MCTP2: variants seen among roughly 807,000 people sequenced by gnomAD.
MCTP2 encodes multiple C2 and transmembrane domain containing 2, also known as multiple C2 and transmembrane domain-containing protein 2.
In MCTP2, 132 loss-of-function variants were observed where a neutral mutation model predicts 111.6. That is an observed-to-expected ratio of 1.18 (90% CI 1.03 to 1.37). The LOEUF is 1.37. Ranked by LOEUF, MCTP2 falls within the 40% of genes most tolerant of loss-of-function variation. The pLI is 0.00. For synonymous variants in MCTP2, 395 were observed against 387.7 expected (o/e 1.02, Z -0.22); for missense variants, 1,183 against 1,067.9 (o/e 1.11, Z -1.50).
chr15:94,404,158 A>G lies in MCTP2; in HGVS notation c.2085+2139A>G, dbSNP rs112863265. ...ATAATTCCCCTCCCTAAGTTGATGA[A>G]GTGTAATTTTATTAAAAGTTGTTTT... On this transcript the variant is annotated intron_variant, in intron 17 of 22. Transcript: ENST00000357742. Among the ~76,000 whole-genome samples, 1,418 of 152,242 alleles carry G rather than the reference A, an allele frequency of 9.3e-3. 27 individuals are homozygous for G. Among genetic ancestry groups the G allele is most frequent in the African/African-American group, 0.032 (1,337 of 41,524 alleles).
At chr15:94,451,803 T>C (rs551466649) in intron 19 of MCTP2, among the ~76,000 whole-genome samples, 67 of 152,360 alleles carry the variant, frequency 4.4e-4, no homozygotes, top group African/African-American at 1.4e-3. Flanking sequence ...ATGAGTAGAC[T>C]TGTCCTGGAA....
intron 1 of MCTP2, among the ~76,000 whole-genome samples, chr15:94,284,822 A>G: frequency 6.8e-6 from 1 of 146,174 alleles, no homozygotes; most frequent in Admixed American, 7.0e-5. Flanking sequence ...GGGCTGAGGT[A>G]TATGAAAAAT....
At chr15:94,365,184 T>C (rs1250692415) in intron 10 of MCTP2, among the ~76,000 whole-genome samples, 1 of 152,226 alleles carries the variant, frequency 6.6e-6, no homozygotes, top group East Asian at 1.9e-4. Context: ...AATATATCAG[T>C]TTAACTTGTT....
At chr15:94,417,993 G>C (rs1240846087) in intron 17 of MCTP2, among the ~76,000 whole-genome samples, 1 of 152,020 alleles carries the variant, frequency 6.6e-6, no homozygotes, top group Non-Finnish European at 1.5e-5. Context: ...TTAATACAGC[G>C]AACTGCTTTA....
rs779063585 is a variant in MCTP2, at chr15:94,476,737, A to G, written c.2512A>G (p.Ile838Val). The G allele has an allele frequency of 1.9e-6, 3 of 1,609,900 alleles. No individual in the cohort carries two copies. The highest frequency in any genetic ancestry group is 2.2e-5 in the South Asian group (2 of 90,960). ...FTKKLRNPYS[I>V]DNNELLDFLS... The stretch of plus-strand genomic sequence containing the variant: ...TAAGAAGCTTCGAAATCCCTATTCC[A>G]TCGACAATAATGAGCTACTAGACTT... Residue 838 changes from isoleucine to valine, a missense_variant, in exon 22 of 23, where the codon ATC becomes GTC. Physicochemically the swap from Ile to Val is conservative, Grantham distance 29. Coordinates refer to ENST00000357742, the MANE Select transcript of MCTP2 (RefSeq NM_001385001.1).
intron 19 of MCTP2, among the ~76,000 whole-genome samples, chr15:94,453,530 T>C (rs1376498054): frequency 6.6e-6 from 1 of 152,206 alleles, no homozygotes; most frequent in African/African-American, 2.4e-5. Context: ...TGAGAAATGA[T>C]AGGGTAGGTG....
chr15:94,336,527 A>G (rs1483822822), intron 4 of MCTP2, among the ~76,000 whole-genome samples: 2 of 152,124 alleles, frequency 1.3e-5, no homozygotes, highest in African/African-American at 4.8e-5. Flanking sequence ...GCACATTAGC[A>G]TGCCTGACAG....
chr15:94,336,701 A>T (rs1235924140), intron 4 of MCTP2, among the ~76,000 whole-genome samples: 1 of 150,152 alleles, frequency 6.7e-6, no homozygotes, highest in South Asian at 2.1e-4. Context: ...ATATGTATGT[A>T]TGTGCATATA....
In MCTP2 at chr15:94,399,108, TAGA is replaced by T. The variant is rs757318065; in HGVS notation, c.1890+49_1890+51del. 13 of 999,390 alleles carry T rather than the reference TAGA, an allele frequency of 1.3e-5. No homozygotes were observed. The African/African-American group carries it at 1.9e-4, about 15-fold the overall frequency. The allele number at this position is 999,390 out of a possible 1,614,324, so 61.9% of individuals were successfully genotyped here. On this transcript the variant is annotated intron_variant, in intron 15 of 22. Transcript: ENST00000357742. ...CTTCCCGGCTTTCCCGTACCTAAAA[TAGA>T]AGGTGACCAGCCTTTGGAGGCTCAA...
intron 19 of MCTP2, among the ~76,000 whole-genome samples, chr15:94,444,755 A>G (rs2084020853): frequency 6.6e-6 from 1 of 152,214 alleles, no homozygotes; most frequent in Admixed American, 6.5e-5. Context: ...ATTTCTTATT[A>G]TATCATAACA....
intron 1 of MCTP2, among the ~76,000 whole-genome samples, chr15:94,241,392 C>T (rs185809843): frequency 4.1e-4 from 62 of 152,188 alleles, no homozygotes; most frequent in Admixed American, 2.1e-3. Flanking sequence ...TTTTCTAATG[C>T]AAATTTTGCT....
chr15:94,322,629 T>A (rs1596353540), intron 4 of MCTP2, among the ~76,000 whole-genome samples: 2 of 152,246 alleles, frequency 1.3e-5, no homozygotes, highest in Non-Finnish European at 2.9e-5. Context: ...ATTTTTGGAT[T>A]CTTGCTTTGA....
intron 1 of MCTP2, among the ~76,000 whole-genome samples, chr15:94,245,221 TA>T (rs2071744020): frequency 5.0e-5 from 6 of 120,766 alleles, no homozygotes; most frequent in Admixed American, 3.4e-4. Flanking sequence ...CATATGTGTA[TA>T]TATACATATG....
At chr15:94,466,672 G>A (rs1279188460) in intron 20 of MCTP2, among the ~76,000 whole-genome samples, 1 of 152,148 alleles carries the variant, frequency 6.6e-6, no homozygotes, top group Non-Finnish European at 1.5e-5. Context: ...GCAGACAACA[G>A]AAAGCAGCTC....
At chr15:94,437,710 C>T (rs1182916178) in intron 17 of MCTP2, among the ~76,000 whole-genome samples, 3 of 151,978 alleles carry the variant, frequency 2.0e-5, no homozygotes, top group African/African-American at 7.2e-5. Flanking sequence ...GACTTGCCCA[C>T]TCAGATATTG....
chr15:94,231,956 G>T (rs1344990871), intron 1 of MCTP2: 1 of 152,208 alleles, frequency 6.6e-6, no homozygotes, highest in East Asian at 1.9e-4. Flanking sequence ...CAGTCTCCCC[G>T]GGGCGCTACG....
chr15:94,440,557 C>A lies in MCTP2; in HGVS notation c.2208+259C>A, dbSNP rs75518950. Among the ~76,000 whole-genome samples the A allele has an allele frequency of 7.5e-3, 1,137 of 152,302 alleles. 13 individuals carry two copies. The highest frequency in any genetic ancestry group is 0.026 in the African/African-American group (1,083 of 41,558). On this transcript the variant is annotated intron_variant, in intron 18 of 22. Transcript: ENST00000357742. Reference sequence around the variant, plus strand: ...GGTTATCATTTCCATGCTGGTAGCACATGTCTGTGTGCTCATCTGATTCTC... The same window carrying A: ...GGTTATCATTTCCATGCTGGTAGCAAATGTCTGTGTGCTCATCTGATTCTC...
At chr15:94,359,745 A>G (rs2078821730) in intron 10 of MCTP2, among the ~76,000 whole-genome samples, 1 of 152,192 alleles carries the variant, frequency 6.6e-6, no homozygotes, top group Non-Finnish European at 1.5e-5. Context: ...TTCATCAGTA[A>G]GGTGTTTAGA....
chr15:94,367,450 A>G (rs143649698), intron 10 of MCTP2, among the ~76,000 whole-genome samples, 155 bp from the exon 11 acceptor site: 7 of 152,258 alleles, frequency 4.6e-5, no homozygotes, highest in African/African-American at 1.7e-4. Context: ...GGGGGTGAGC[A>G]TTATGAATTA....
Sources: gnomAD v4.1 joint callset for allele counts (sites outside exome capture counted in the v4.1 genomes callset) on GRCh38, gnomAD v4.1.1 for gene constraint, MANE v1.5 for transcripts, NCBI Gene and HGNC (gene_info 2026-07-23, HGNC 2026-07-21) for gene names.